Variants in NEDD4L observed in about 807,000 individuals in gnomAD.
NEDD4L encodes E3 ubiquitin-protein ligase NEDD4-like.
A neutral mutation model predicts 148.9 loss-of-function variants in NEDD4L; 54 were observed. That is an observed-to-expected ratio of 0.36 (90% CI 0.29 to 0.45). NEDD4L has a LOEUF of 0.45. Ranked by LOEUF, NEDD4L falls within the 20% of genes least tolerant of loss-of-function variation. NEDD4L has a pLI of 1.00. For synonymous variants in NEDD4L, 433 were observed against 440.7 expected (o/e 0.98, Z 0.22); for missense variants, 856 against 1,233.8 (o/e 0.69, Z 4.59).
chr18:58,132,080 C>T (rs1341871220), intron 1 of NEDD4L, among the ~76,000 whole-genome samples: 1 of 152,188 alleles, frequency 6.6e-6, no homozygotes, highest in African/African-American at 2.4e-5. Context: ...GCTGAAGTAA[C>T]TCAGAAAGTG....
At chr18:58,234,045 T>TTTTCTTTCCTTCTTTCTTTCTTTC (rs1555753183) in intron 2 of NEDD4L, among the ~76,000 whole-genome samples, 2 of 117,876 alleles carry the variant, frequency 1.7e-5, no homozygotes, top group Admixed American at 9.1e-5. Flanking sequence ...ATTTCTTTCC[T>TTTTCTTTCCTTCTTTCTTTCTTTC]TTTCTTTCTT....
In NEDD4L at chr18:58,256,131, T is replaced by G. The variant is rs2048509216; in HGVS notation, c.297+4077T>G. Reference sequence around the variant, plus strand: ...CCGAGGGCAGCCCGGGACCCAGGGCTCCAGGTCAACGGCACGTGCGGCCGC... The same window carrying G: ...CCGAGGGCAGCCCGGGACCCAGGGCGCCAGGTCAACGGCACGTGCGGCCGC... On this transcript the variant is annotated intron_variant, in intron 5 of 30. Coordinates refer to ENST00000400345, the MANE Select transcript of NEDD4L (RefSeq NM_001144967.3). This position sits in a 1 kb window ranked among gnomAD's most constrained non-coding sequence, Gnocchi z 5.2. The G allele has an allele frequency of 1.9e-5, 23 of 1,225,420 alleles. No homozygotes were observed. The highest frequency in any genetic ancestry group is 8.2e-5 in the South Asian group (2 of 24,292). The allele number at this position is 1,225,420 out of a possible 1,614,324, so 75.9% of individuals were successfully genotyped here.
At chr18:58,389,416 A>G (rs1432135195) in intron 28 of NEDD4L, 1 of 429,636 alleles carries the variant, frequency 2.3e-6, no homozygotes, top group Non-Finnish European at 4.2e-6. Flanking sequence ...TGGTCCCTAC[A>G]AAAGCACACT....
chr18:58,389,256 C>A (rs1018247218), intron 28 of NEDD4L, 64 bp downstream of exon 28: 4 of 1,201,474 alleles, frequency 3.3e-6, no homozygotes, highest in Admixed American at 1.9e-5. Flanking sequence ...GGCTGTGTGG[C>A]GCCCTCCATT....
chr18:58,174,882 G>C (rs973834276), intron 2 of NEDD4L, among the ~76,000 whole-genome samples: 1 of 152,188 alleles, frequency 6.6e-6, no homozygotes, highest in Non-Finnish European at 1.5e-5. Context: ...ACTTCCAAAG[G>C]ATTGGAAATT....
At chr18:58,347,586 T>C (rs2043263265) in intron 16 of NEDD4L, among the ~76,000 whole-genome samples, 1 of 152,234 alleles carries the variant, frequency 6.6e-6, no homozygotes, top group South Asian at 2.1e-4. Flanking sequence ...TATTTCTTTA[T>C]GTTCTGTGTA....
chr18:58,339,623 A>G (rs1199665562), intron 13 of NEDD4L, among the ~76,000 whole-genome samples: 1 of 152,196 alleles, frequency 6.6e-6, no homozygotes, highest in East Asian at 1.9e-4. Context: ...GGTTTTCCTT[A>G]ATATCAGCAG....
intron 13 of NEDD4L, among the ~76,000 whole-genome samples, chr18:58,336,382 C>T (rs2041765299): frequency 6.6e-6 from 1 of 151,980 alleles, no homozygotes; most frequent in Non-Finnish European, 1.5e-5. Context: ...TCGAGACCAT[C>T]CTGGCTAACA....
intron 2 of NEDD4L, among the ~76,000 whole-genome samples, chr18:58,238,227 G>A (rs887959478): frequency 1.3e-5 from 2 of 152,152 alleles, no homozygotes; most frequent in African/African-American, 4.8e-5. Flanking sequence ...ATCTTGGGCT[G>A]AAAGATATGT....
intron 3 of NEDD4L, among the ~76,000 whole-genome samples, chr18:58,246,090 T>C (rs1162084527): frequency 6.6e-6 from 1 of 152,106 alleles, no homozygotes; most frequent in Non-Finnish European, 1.5e-5. Context: ...TAACCCAAGA[T>C]AGTGATTCAG....
At position 58,158,858 on chromosome 18, in the gene NEDD4L, C is replaced by T. The variant is rs117747227; in HGVS notation, c.49-6930C>T. 2.1e-4 allele frequency among the ~76,000 whole-genome samples: 32 copies of T among 152,228 alleles called. 1 individual carries two copies. In the South Asian group the frequency reaches 3.7e-3, roughly 18 times the overall value. ...CTCACATCTTACGCCTCTGTTCCAC[C>T]GCTGTGTAAGAGGCAACTGTGCACA... On this transcript the variant is annotated intron_variant, in intron 1 of 30. Transcript: ENST00000400345.
At position 58,385,803 on chromosome 18, in the gene NEDD4L, C is replaced by T. The variant is rs73959612; in HGVS notation, c.2487+217C>T. Reference sequence around the variant, plus strand: ...TGCCGCCACCTCCTTTTCCTTTTCACGGGTTCTCCTGCTTGACTTCTCTTA... The same window carrying T: ...TGCCGCCACCTCCTTTTCCTTTTCATGGGTTCTCCTGCTTGACTTCTCTTA... On this transcript the variant is annotated intron_variant, in intron 26 of 30. Transcript: ENST00000400345. 9.7e-3 allele frequency among the ~76,000 whole-genome samples: 1,479 copies of T among 152,024 alleles called. 18 individuals are homozygous for T. Among genetic ancestry groups the T allele is most frequent in the African/African-American group, 0.03 (1,224 of 41,442 alleles).
At chr18:58,334,440 T>C (rs1307441016) in intron 12 of NEDD4L, among the ~76,000 whole-genome samples, 1 of 152,214 alleles carries the variant, frequency 6.6e-6, no homozygotes, top group Non-Finnish European at 1.5e-5. Flanking sequence ...GTGTAGGGGA[T>C]TTTGTAACAT....
chr18:58,277,058 A>G (rs1239328014), intron 5 of NEDD4L, among the ~76,000 whole-genome samples: 1 of 152,102 alleles, frequency 6.6e-6, no homozygotes, highest in African/African-American at 2.4e-5. Flanking sequence ...TGCCAGGCAT[A>G]CAACCATGTC....
rs4149601 is a variant in NEDD4L, at chr18:58,149,559, G to A, written c.49-16229G>A. 494,867 of 1,541,682 alleles carry A rather than the reference G, an allele frequency of 0.32. 82,038 individuals are homozygous for A. The highest frequency in any genetic ancestry group is 0.35 in the African/African-American group (25,376 of 72,858). Reference sequence around the variant, plus strand: ...AAATGAGACGTCTCGCATTTGAGCAGGTAACACTCGGTAAGACTTTGCTTG... The same window carrying A: ...AAATGAGACGTCTCGCATTTGAGCAAGTAACACTCGGTAAGACTTTGCTTG... On this transcript the variant is annotated intron_variant, in intron 1 of 30. Transcript: ENST00000400345.
intron 1 of NEDD4L, among the ~76,000 whole-genome samples, chr18:58,114,208 C>T (rs1268176072): frequency 6.6e-6 from 1 of 152,122 alleles, no homozygotes; most frequent in Non-Finnish European, 1.5e-5. Flanking sequence ...AACGTGCTTT[C>T]ACAGATTTCT....
chr18:58,101,606 T>A (rs1369317832), intron 1 of NEDD4L, among the ~76,000 whole-genome samples: 1 of 152,236 alleles, frequency 6.6e-6, no homozygotes, highest in Non-Finnish European at 1.5e-5. Flanking sequence ...AGCCTCCATT[T>A]GCACATTAGA....
At chr18:58,290,520 G>C (rs4058294) in intron 5 of NEDD4L, among the ~76,000 whole-genome samples, 69,201 of 151,902 alleles carry the variant, frequency 0.46, 16,636 homozygotes, top group African/African-American at 0.62. Context: ...AGGCTCACAA[G>C]TGGGAGAGAG....
chr18:58,228,441 A>T (rs2044640018), intron 2 of NEDD4L, among the ~76,000 whole-genome samples: 1 of 152,200 alleles, frequency 6.6e-6, no homozygotes, highest in African/African-American at 2.4e-5. Flanking sequence ...ACTTGGTGAC[A>T]TGTATAAGGC....
Sources: allele counts gnomAD v4.1 joint callset (sites outside exome capture counted in the v4.1 genomes callset), GRCh38; gene constraint gnomAD v4.1.1; non-coding constraint Gnocchi (gnomAD v3.1); transcripts MANE v1.5; gene names NCBI Gene and HGNC (gene_info 2026-07-23, HGNC 2026-07-21).